Variants in NEGR1 observed in about 807,000 individuals in gnomAD.
NEGR1 encodes the protein neuronal growth regulator 1.
NEGR1 carries 10 observed loss-of-function variants against 40.9 expected under a neutral mutation model. The observed-to-expected ratio is 0.24, with a 90% CI of 0.15 to 0.42. The LOEUF (loss-of-function observed/expected upper bound fraction) is 0.42. NEGR1 is among the 10% of genes least tolerant of loss of function. NEGR1 has a pLI of 1.00. For synonymous variants in NEGR1, 185 were observed against 166.8 expected, an observed-to-expected ratio of 1.11 and a Z score of -0.84; for missense variants, 352 against 438.9, an observed-to-expected ratio of 0.80 and a Z score of 1.77.
Position 72,233,482 on chromosome 1 carries a change from T to C in NEGR1, c.176+48837A>G, listed in dbSNP as rs1208349076. 4.6e-5 allele frequency among the ~76,000 whole-genome samples: 7 copies of C among 152,070 alleles called. No homozygotes were observed. The East Asian group carries it at 9.7e-4, about 21-fold the overall frequency. On this transcript the variant is annotated intron_variant, in intron 1 of 6. Transcript: ENST00000357731. ...CTTCTGGAGTCCCCAGTGTCTATTG[T>C]TCCTGTCTTTATGCTATGTGTACCC...
At chr1:72,071,227 T>C (rs999321916) in intron 1 of NEGR1, among the ~76,000 whole-genome samples, 6 of 151,562 alleles carry the variant, frequency 4.0e-5, no homozygotes, top group Non-Finnish European at 5.9e-5. Context: ...TAGACTAAGA[T>C]GAAGAAACAA....
rs78439813 is a variant in NEGR1, at chr1:71,584,438, T to C, written c.940+8379A>G. Among the ~76,000 whole-genome samples, 677 of 152,312 alleles carry C rather than the reference T, an allele frequency of 4.4e-3. 1 individual carries two copies. Among genetic ancestry groups the C allele is most frequent in the Non-Finnish European group, 7.2e-3 (490 of 68,022 alleles). On this transcript the variant is annotated intron_variant, in intron 6 of 6. Transcript: ENST00000357731. Reference sequence around the variant, plus strand: ...GTACCCTAGTAACTATGTTTCACTCTGACTAAAGAGAAATAGGAAGTTTAA... The same window carrying C: ...GTACCCTAGTAACTATGTTTCACTCCGACTAAAGAGAAATAGGAAGTTTAA...
chr1:72,032,364 G>T (rs1347830465), intron 1 of NEGR1, among the ~76,000 whole-genome samples: 1 of 152,162 alleles, frequency 6.6e-6, no homozygotes, highest in African/African-American at 2.4e-5. Flanking sequence ...GAGTAGGAAG[G>T]TAATAGGAAC....
chr1:72,029,518 T>C (rs1646839609), intron 1 of NEGR1, among the ~76,000 whole-genome samples: 1 of 152,182 alleles, frequency 6.6e-6, no homozygotes, highest in African/African-American at 2.4e-5. Context: ...TATCCAGTAT[T>C]GTGTGCCTGT....
chr1:71,755,391 A>G (rs770894019), intron 3 of NEGR1, among the ~76,000 whole-genome samples: 1 of 152,196 alleles, frequency 6.6e-6, no homozygotes, highest in Non-Finnish European at 1.5e-5. Context: ...CACTAAAAAC[A>G]TCTTCTAAAA....
chr1:71,847,446 G>T (rs1439232090), intron 2 of NEGR1, among the ~76,000 whole-genome samples: 2 of 152,054 alleles, frequency 1.3e-5, no homozygotes, highest in Non-Finnish European at 2.9e-5. Context: ...ATGTCTCTGT[G>T]TCCCATTTTG....
intron 6 of NEGR1, among the ~76,000 whole-genome samples, chr1:71,580,262 A>T (rs887653489): frequency 6.7e-6 from 1 of 148,644 alleles, no homozygotes; most frequent in Non-Finnish European, 1.5e-5. Context: ...AACAATGAGA[A>T]CACATGGACA....
In NEGR1 at chr1:71,710,499, A is replaced by G. The variant is rs187689979; in HGVS notation, c.536-12360T>C. Among the ~76,000 whole-genome samples the G allele has an allele frequency of 2.0e-3, 306 of 152,346 alleles. 2 individuals carry two copies. The highest frequency in any genetic ancestry group is 5.8e-3 in the Admixed American group (89 of 15,312). On this transcript the variant is annotated intron_variant, in intron 3 of 6. Transcript: ENST00000357731. ...TAAGTGTCCATCAACAGATGAATGG[A>G]TAAATAAAATGTGGTACATATACAC... is the stretch of plus-strand genomic sequence containing the variant.
chr1:71,957,807 G>T (rs1646131412), intron 1 of NEGR1, among the ~76,000 whole-genome samples: 1 of 152,118 alleles, frequency 6.6e-6, no homozygotes, highest in South Asian at 2.1e-4. Context: ...AAGCCCAAAG[G>T]CATTATCCTA....
At chr1:72,160,231 C>T (rs1306607021) in intron 1 of NEGR1, among the ~76,000 whole-genome samples, 4 of 152,080 alleles carry the variant, frequency 2.6e-5, no homozygotes, top group East Asian at 1.9e-4. Flanking sequence ...GGAGTTGATG[C>T]GTGAACAATA....
chr1:71,613,504 A>T (rs1321990351), intron 4 of NEGR1, among the ~76,000 whole-genome samples: 1 of 151,944 alleles, frequency 6.6e-6, no homozygotes, highest in African/African-American at 2.4e-5. Flanking sequence ...AAAATTAGCC[A>T]GGCATAGTGG....
At chr1:72,097,157 G>A (rs1362786288) in intron 1 of NEGR1, among the ~76,000 whole-genome samples, 1 of 152,120 alleles carries the variant, frequency 6.6e-6, no homozygotes, top group East Asian at 1.9e-4. Flanking sequence ...ATGATTAAAA[G>A]TAAAGGCTCC....
chr1:71,691,715 G>A (rs980883504), intron 4 of NEGR1, among the ~76,000 whole-genome samples: 5 of 151,550 alleles, frequency 3.3e-5, no homozygotes, highest in Middle Eastern at 3.4e-3. Flanking sequence ...CACCTCATCC[G>A]GTCCTGCTTC....
intron 1 of NEGR1, among the ~76,000 whole-genome samples, chr1:71,969,547 G>A (rs1221438690): frequency 6.6e-6 from 1 of 152,190 alleles, no homozygotes; most frequent in Non-Finnish European, 1.5e-5. Context: ...TGCCATGACA[G>A]CCCTACCATG....
At chr1:71,818,807 C>T (rs1658318926) in intron 2 of NEGR1, among the ~76,000 whole-genome samples, 1 of 151,484 alleles carries the variant, frequency 6.6e-6, no homozygotes, top group Non-Finnish European at 1.5e-5. Context: ...GAATCCTGAC[C>T]CACAGATGGT....
At chr1:71,855,659 A>G (rs1659736529) in intron 2 of NEGR1, among the ~76,000 whole-genome samples, 1 of 151,998 alleles carries the variant, frequency 6.6e-6, no homozygotes, top group African/African-American at 2.4e-5. Flanking sequence ...TGCATTCTTA[A>G]CAGTCTTAAA....
chr1:71,675,119 A>ATATATATATATATATATATG (rs1304074636), intron 4 of NEGR1, among the ~76,000 whole-genome samples: 1 of 75,054 alleles, frequency 1.3e-5, no homozygotes, highest in Non-Finnish European at 2.7e-5. Context: ...ATTCATATAT[A>ATATATATATATATATATATG]TATATATACA....
At chr1:71,616,351 G>C (rs1387104149) in intron 4 of NEGR1, among the ~76,000 whole-genome samples, 2 of 152,194 alleles carry the variant, frequency 1.3e-5, no homozygotes, top group East Asian at 3.9e-4. Flanking sequence ...ACGCTATTGT[G>C]AACTGCACAT....
chr1:71,502,212 A>T (rs1469895158), intron 6 of NEGR1, among the ~76,000 whole-genome samples: 1 of 152,216 alleles, frequency 6.6e-6, no homozygotes, highest in Non-Finnish European at 1.5e-5. Flanking sequence ...GGGTCAGCCC[A>T]TAAAAGGGAA....
Sources: allele counts gnomAD v4.1 joint callset (sites outside exome capture counted in the v4.1 genomes callset), GRCh38; gene constraint gnomAD v4.1.1; transcripts MANE v1.5; gene names NCBI Gene and HGNC (gene_info 2026-07-23, HGNC 2026-07-21).